HEATR3: variants seen among roughly 807,000 people sequenced by gnomAD.
HEATR3 encodes HEAT repeat containing 3, also known as HEAT repeat-containing protein 3.
HEATR3 carries 56 observed loss-of-function variants against 72.8 expected under a neutral mutation model. That is an observed-to-expected ratio of 0.77 (90% CI 0.62 to 0.96). The LOEUF (loss-of-function observed/expected upper bound fraction) is 0.96, where lower values mean the gene tolerates loss of function less well. Ranked by LOEUF, HEATR3 falls within the 40% of genes least tolerant of loss-of-function variation. The pLI, the probability that HEATR3 is intolerant of heterozygous loss-of-function variation, is 0.00. For missense variants in HEATR3, 747 were observed against 831.4 expected (o/e 0.90, Z 1.25); for synonymous variants, 331 against 318.1 (o/e 1.04, Z -0.43).
intron 2 of HEATR3, 112 bp from the exon 3 acceptor site, chr16:50,068,668 G>A: frequency 1.3e-6 from 1 of 789,082 alleles, no homozygotes; most frequent in Non-Finnish European, 2.2e-6. Flanking sequence ...GAAACAATAA[G>A]CTATTTCCTC....
rs59995532 is a variant in HEATR3, at chr16:50,096,324, C to CAAAA, written c.1599+1549_1599+1552dup. Among the ~76,000 whole-genome samples, 438 of 86,594 alleles carry CAAAA rather than the reference C, an allele frequency of 5.1e-3. 4 individuals carry two copies. The highest frequency in any genetic ancestry group is 7.7e-3 in the African/African-American group (172 of 22,422). The allele number at this position is 86,594 out of a possible 152,430, so 56.8% of individuals were successfully genotyped here. A position where few individuals can be genotyped will look rare whatever the true frequency, so the allele number is the denominator to read the frequency against. ...TAGGCGATAGAGCAAGACTCCGTCTCAAAAAAAAAAAAAAAAAAAAACAGA... is the reference window on the plus strand; with the variant it reads ...TAGGCGATAGAGCAAGACTCCGTCTCAAAAAAAAAAAAAAAAAAAAAAAAACAGA... On this transcript the variant is annotated intron_variant, in intron 12 of 14. Transcript: ENST00000299192.
chr16:50,105,204 C>T lies in HEATR3; in HGVS notation c.*143C>T. The T allele has an allele frequency of 2.2e-6, 2 of 906,220 alleles. No homozygotes were observed. Among genetic ancestry groups the T allele is most frequent in the South Asian group, 3.1e-5 (2 of 64,732 alleles). 56.1% of individuals were successfully genotyped at this position (906,220 alleles called of 1,614,324 possible). ...ATTCTGTAAAAACTTCAAAACCTGG[C>T]CAGGCATGGTGGCTCACGCCTATAA... On this transcript the variant is annotated 3_prime_UTR_variant, in exon 15 of 15. Transcript: ENST00000299192.
Position 50,094,777 on chromosome 16 carries a change from C to T in HEATR3, c.1583C>T (p.Ser528Phe). Residue 528 changes from serine (S) to phenylalanine (F), a missense_variant, in exon 12 of 15, where the codon TCC (serine) becomes TTC (phenylalanine). Physicochemically the swap from Ser to Phe is radical, Grantham distance 155. Coordinates refer to ENST00000299192, the MANE Select transcript of HEATR3 (RefSeq NM_182922.4). Reference sequence around the variant, plus strand: ...AGGGCCCTTTTGCAAACAATGGCCTCCAAGAACATTTCCCAGGTAAGAGTT... The same window carrying T: ...AGGGCCCTTTTGCAAACAATGGCCTTCAAGAACATTTCCCAGGTAAGAGTT... ...ALRALLQTMA[S>F]KNISQCMTPD... 2.5e-6 allele frequency: 4 copies of T among 1,591,808 alleles called. No homozygotes were observed. Among genetic ancestry groups the T allele is most frequent in the Non-Finnish European group, 3.4e-6 (4 of 1,169,438 alleles).
intron 12 of HEATR3, among the ~76,000 whole-genome samples, chr16:50,098,611 G>C (rs1014752373): frequency 1.3e-5 from 2 of 151,870 alleles, no homozygotes; most frequent in Non-Finnish European, 2.9e-5. Context: ...AGCCAAGATC[G>C]GGCCACTGTA....
chr16:50,102,186 T>C (rs1008866285), intron 13 of HEATR3, 73 bp from the exon 14 acceptor site: 1 of 1,267,362 alleles, frequency 7.9e-7, no homozygotes. Flanking sequence ...GCATGAGTTA[T>C]TGCCACATTC....
Position 50,066,016 on chromosome 16 carries a change from A to G in HEATR3, c.-116A>G. On this transcript the variant is annotated 5_prime_UTR_variant, in exon 1 of 15. Coordinates refer to ENST00000299192, the MANE Select transcript of HEATR3 (RefSeq NM_182922.4). ...CGCACGGCTTGCCCATGTGTGCTGCAGCCGTCAGCCGGCCCAGCTGAGCAG... is the reference window on the plus strand; with the variant it reads ...CGCACGGCTTGCCCATGTGTGCTGCGGCCGTCAGCCGGCCCAGCTGAGCAG... The G allele has an allele frequency of 1.1e-6, 1 of 905,804 alleles. No homozygotes were observed. Among genetic ancestry groups the G allele is most frequent in the Non-Finnish European group, 1.5e-6 (1 of 680,594 alleles). 56.1% of individuals were successfully genotyped at this position (905,804 alleles called of 1,614,324 possible).
chr16:50,097,326 T>TACA, intron 12 of HEATR3, among the ~76,000 whole-genome samples: 1 of 118,352 alleles, frequency 8.4e-6, no homozygotes, highest in Non-Finnish European at 1.8e-5. Flanking sequence ...TTTTTTTTTT[T>TACA]TTACATTTAT....
chr16:50,077,893 T>TTTTTTTTC, intron 6 of HEATR3, among the ~76,000 whole-genome samples: 1 of 148,108 alleles, frequency 6.8e-6, no homozygotes, highest in South Asian at 2.2e-4. Flanking sequence ...TTTTTTTTTT[T>TTTTTTTTC]TGAAACAGAG....
In HEATR3 at chr16:50,066,250, C is replaced by T. The variant is rs142043637; in HGVS notation, c.119C>T (p.Ala40Val). The change falls in exon 1 of 15, where the codon GCG becomes GTG. Residue 40 changes from alanine to valine, a missense_variant. Ala to Val is a moderately conservative substitution (Grantham distance 64, BLOSUM62 0). Transcript: ENST00000299192. ...GTGGEEDDGP[A>V]AELLEKLQHP... ...GGAGGCGAGGAGGACGACGGGCCGG[C>T]GGCGGAGCTGCTGGAAAAGGTGAGG... The T allele has an allele frequency of 4.2e-4, 659 of 1,562,540 alleles. 7 individuals carry two copies. In the East Asian group the frequency reaches 8.8e-3, roughly 21 times the overall value.
intron 13 of HEATR3, among the ~76,000 whole-genome samples, chr16:50,101,328 C>G (rs779959290): frequency 2.6e-5 from 4 of 152,080 alleles, no homozygotes; most frequent in Non-Finnish European, 5.9e-5. Flanking sequence ...GTTGGCCAAG[C>G]TGGTCTTGAA....
rs1333832589 is a variant in HEATR3, at chr16:50,072,522, T to C, written c.513-83T>C. On this transcript the variant is annotated intron_variant, in intron 4 of 14. Transcript: ENST00000299192. ...CAACTCCTTGGTTTATAAAGCCTCG[T>C]TTGTTTTTTTATGGATTGCTATGGT... 3 of 872,770 alleles carry C rather than the reference T, an allele frequency of 3.4e-6. No homozygotes were observed. In the African/African-American group the frequency reaches 5.1e-5, roughly 15 times the overall value. 54.1% of individuals were successfully genotyped at this position (872,770 alleles called of 1,614,324 possible).
chr16:50,102,049 CTTTA>C (rs2037378375), intron 13 of HEATR3, among the ~76,000 whole-genome samples: 2 of 127,250 alleles, frequency 1.6e-5, no homozygotes, highest in African/African-American at 5.8e-5. Context: ...TTTTAATTCA[CTTTA>C]TTTATGAATA....
In HEATR3 at chr16:50,084,124, C is replaced by T. The variant is rs371327853; in HGVS notation, c.1133-10C>T. The T allele has an allele frequency of 1.5e-5, 25 of 1,613,966 alleles. No homozygotes were observed. Among genetic ancestry groups the T allele is most frequent in the South Asian group, 1.2e-4 (11 of 91,082 alleles). On this transcript the variant is annotated splice_polypyrimidine_tract_variant and intron_variant, in intron 8 of 14. Coordinates refer to ENST00000299192, the MANE Select transcript of HEATR3 (RefSeq NM_182922.4). ...CTATTCCAGTTCTGCGTGGTTTGCCCGCTTCCCAGATCCCTCTGATGACGA... is the reference window on the plus strand; with the variant it reads ...CTATTCCAGTTCTGCGTGGTTTGCCTGCTTCCCAGATCCCTCTGATGACGA...
chr16:50,104,832 C>A (rs529045008), intron 14 of HEATR3, 107 bp from the exon 15 acceptor site: 1 of 997,672 alleles, frequency 1.0e-6, no homozygotes, highest in Non-Finnish European at 1.4e-6. Flanking sequence ...ATTCTTACAG[C>A]TATCTGCTTC....
chr16:50,104,942 C>T lies in HEATR3; in HGVS notation c.1924C>T (p.Arg642Cys), dbSNP rs141326733. The change falls in exon 15 of 15, where the codon CGT becomes TGT. Residue 642 changes from arginine (R) to cysteine (C), a missense_variant. Physicochemically the swap from Arg to Cys is radical, Grantham distance 180. Coordinates refer to ENST00000299192, the MANE Select transcript of HEATR3 (RefSeq NM_182922.4). ...ATTTTTTGTTTTTTGTTTGCAGATACGTAAAGAAGGGAGAGGTAACTATAG... is the reference window on the plus strand; with the variant it reads ...ATTTTTTGTTTTTTGTTTGCAGATATGTAAAGAAGGGAGAGGTAACTATAG... ...EFQPVFKMKI[R>C]KEGRGNYSTD... 1.0e-5 allele frequency: 16 copies of T among 1,576,160 alleles called. No individual in the cohort carries two copies. Among genetic ancestry groups the T allele is most frequent in the Admixed American group, 2.1e-5 (1 of 48,254 alleles).
rs1283372770 is a variant in HEATR3 at position 50,105,206 on chromosome 16, A to G, written c.*145A>G. ...TCTGTAAAAACTTCAAAACCTGGCC[A>G]GGCATGGTGGCTCACGCCTATAATC... On this transcript the variant is annotated 3_prime_UTR_variant, in exon 15 of 15. Transcript: ENST00000299192. The G allele has an allele frequency of 1.8e-5, 16 of 877,446 alleles. No individual in the cohort carries two copies. The highest frequency in any genetic ancestry group is 2.7e-5 in the Non-Finnish European group (16 of 584,420). 54.4% of individuals were successfully genotyped at this position (877,446 alleles called of 1,614,324 possible). A position where few individuals can be genotyped will look rare whatever the true frequency, so the allele number is the denominator to read the frequency against.
In HEATR3 at chr16:50,079,038, T is replaced by G; in HGVS notation, c.1041+20T>G. ...CTTCCGGTAAGTCAGGTTGCTGTTC[T>G]CAAATATGGATTAATACAGCTGTTT... On this transcript the variant is annotated intron_variant, in intron 7 of 14. Transcript: ENST00000299192. 1 of 1,586,526 alleles carries G rather than the reference T, an allele frequency of 6.3e-7. No individual in the cohort carries two copies. Among genetic ancestry groups the G allele is most frequent in the Non-Finnish European group, 8.5e-7 (1 of 1,171,708 alleles).
chr16:50,067,331 G>C (rs1296472318), intron 2 of HEATR3, among the ~76,000 whole-genome samples: 1 of 151,762 alleles, frequency 6.6e-6, no homozygotes, highest in African/African-American at 2.4e-5. Flanking sequence ...CTCCAGCCTG[G>C]GTGATAGAAC....
chr16:50,105,070 A>T lies in HEATR3; in HGVS notation c.*9A>T. 6.2e-7 allele frequency: 1 copy of T among 1,608,428 alleles called. No homozygotes were observed. The highest frequency in any genetic ancestry group is 8.5e-7 in the Non-Finnish European group (1 of 1,178,622). ...AAAGACTGACTTCTTAAACAATCCA[A>T]AAAAGAAACCAGTTCTTCCCCCAAA... On this transcript the variant is annotated 3_prime_UTR_variant, in exon 15 of 15. Transcript: ENST00000299192.
Sources: allele counts gnomAD v4.1 joint callset (sites outside exome capture counted in the v4.1 genomes callset), GRCh38; gene constraint gnomAD v4.1.1; transcripts MANE v1.5; gene names NCBI Gene and HGNC (gene_info 2026-07-23, HGNC 2026-07-21).